The following DOCK9 variants were observed in gnomAD, a reference collection of about 807,000 sequenced individuals.
DOCK9 encodes dedicator of cytokinesis 9, also known as dedicator of cytokinesis protein 9.
Under a neutral mutation model 263.3 loss-of-function variants are expected in DOCK9, and 89 were observed. The ratio of observed to expected loss-of-function variants is 0.34; its 90% CI spans 0.28 to 0.40. The LOEUF (loss-of-function observed/expected upper bound fraction) is 0.40. Among genes scored for constraint, DOCK9 ranks in the 10% least tolerant of loss-of-function variants. The pLI, the probability that DOCK9 is intolerant of heterozygous loss-of-function variation, is 1.00. For missense variants in DOCK9, 2,140 were observed against 2,603.4 expected, an observed-to-expected ratio of 0.82 and a Z score of 3.87; for synonymous variants, 976 against 973.1, an observed-to-expected ratio of 1.00 and a Z score of -0.06.
upstream of DOCK9, among the ~76,000 whole-genome samples, chr13:98,979,835 A>G (rs1281738880): frequency 6.6e-6 from 1 of 152,216 alleles, no homozygotes; most frequent in Non-Finnish European, 1.5e-5. Context: ...TGTCCTACAA[A>G]TCAAAGAAAG....
intron 1 of DOCK9, among the ~76,000 whole-genome samples, chr13:99,068,118 A>T (rs946264147): frequency 2.0e-5 from 3 of 152,134 alleles, no homozygotes; most frequent in African/African-American, 7.2e-5. Context: ...ACTATCCTCA[A>T]TTCAAGAAAC....
chr13:98,845,320 A>C (rs749294051), intron 38 of DOCK9: 1 of 1,360,284 alleles, frequency 7.4e-7, no homozygotes, highest in Non-Finnish European at 9.8e-7. Context: ...CAACCTGATT[A>C]AATCTTACCA....
chr13:98,999,623 C>T (rs557674850), intron 1 of DOCK9, among the ~76,000 whole-genome samples: 20 of 104,686 alleles, frequency 1.9e-4, no homozygotes, highest in African/African-American at 6.6e-4. Context: ...AGAAAGAGGG[C>T]GATTCAAAAA....
chr13:99,030,947 T>A (rs1228732259), intron 1 of DOCK9, among the ~76,000 whole-genome samples: 2 of 152,188 alleles, frequency 1.3e-5, no homozygotes, highest in Non-Finnish European at 2.9e-5. Context: ...TGATGATAAA[T>A]GTTCATGCTT....
chr13:98,860,312 T>C (rs745860889), intron 33 of DOCK9, 93 bp downstream of exon 33: 4 of 1,532,348 alleles, frequency 2.6e-6, no homozygotes, highest in Admixed American at 4.0e-5. Context: ...TTCAAGGTCC[T>C]ACCACACAAG....
intron 38 of DOCK9, chr13:98,845,396 T>G: frequency 7.4e-7 from 1 of 1,347,196 alleles, no homozygotes; most frequent in South Asian, 1.2e-5. Context: ...AAAAGTCACT[T>G]TGTTATTGGA....
chr13:99,079,762 G>A (rs1028756942), intron 1 of DOCK9, among the ~76,000 whole-genome samples: 6 of 152,076 alleles, frequency 3.9e-5, no homozygotes, highest in Non-Finnish European at 5.9e-5. Context: ...TCTCCAGGCC[G>A]GGCGTGGTGG....
At chr13:98,883,988 G>C in intron 21 of DOCK9, 89 bp from the exon 22 acceptor site, 1 of 895,942 alleles carries the variant, frequency 1.1e-6, no homozygotes, top group Non-Finnish European at 1.7e-6. Context: ...ATGAGGGACT[G>C]AAAGAGGGCC....
rs199674506 is a variant in DOCK9 at position 98,794,714 on chromosome 13, G to A, written c.6191C>T (p.Pro2064Leu). ...GGCGTTGAAGATGTGAAGGGAATTC[G>A]GTAAGACGCTCGTCTTCTCCTCCAG... ...CPLEEKTSVL[P>L]NSLHIFNAIS... Residue 2064 changes from proline to leucine, a missense_variant, in exon 53 of 53, where the codon CCG (proline) becomes CTG (leucine). Physicochemically the swap from Pro to Leu is moderately conservative, Grantham distance 98. Transcript: ENST00000682017. 1.9e-3 allele frequency: 3,048 copies of A among 1,613,896 alleles called. 4 individuals carry two copies. The highest frequency in any genetic ancestry group is 2.3e-3 in the Non-Finnish European group (2,749 of 1,179,846).
At chr13:98,881,382 G>T (rs1017562453) in intron 25 of DOCK9, among the ~76,000 whole-genome samples, 176 bp downstream of exon 25, 2 of 152,194 alleles carry the variant, frequency 1.3e-5, no homozygotes, top group Admixed American at 6.5e-5. Flanking sequence ...TTAGTGAATG[G>T]CTGTCCCTCT....
intron 1 of DOCK9, among the ~76,000 whole-genome samples, chr13:99,045,767 A>G (rs537018276): frequency 6.6e-6 from 1 of 152,166 alleles, no homozygotes; most frequent in South Asian, 2.1e-4. Context: ...CACCAGCTTA[A>G]TCATCTTTTT....
intron 1 of DOCK9, among the ~76,000 whole-genome samples, chr13:98,975,661 C>T (rs2060200903): frequency 6.6e-6 from 1 of 152,198 alleles, no homozygotes; most frequent in African/African-American, 2.4e-5. Context: ...ATACTACACG[C>T]ATTAATTAAT....
intron 1 of DOCK9, among the ~76,000 whole-genome samples, chr13:99,047,431 T>C (rs2040486477): frequency 6.6e-6 from 1 of 152,146 alleles, no homozygotes; most frequent in African/African-American, 2.4e-5. Flanking sequence ...TAAGAACATC[T>C]TCTTAGTCTC....
chr13:98,906,292 A>C (rs1357562779), intron 9 of DOCK9, among the ~76,000 whole-genome samples: 1 of 152,112 alleles, frequency 6.6e-6, no homozygotes, highest in Non-Finnish European at 1.5e-5. Flanking sequence ...CCAACATTGA[A>C]GAGGTGGACA....
intron 38 of DOCK9, among the ~76,000 whole-genome samples, chr13:98,841,615 A>ATTTTT (rs1566677366): frequency 4.0e-5 from 6 of 151,156 alleles, no homozygotes; most frequent in South Asian, 2.1e-4. Context: ...TTATGAACAA[A>ATTTTT]ATTTTTTTTT....
chr13:98,829,023 G>A lies in DOCK9; in HGVS notation c.4965+284C>T, dbSNP rs182070409. 1.4e-3 allele frequency among the ~76,000 whole-genome samples: 206 copies of A among 152,216 alleles called. 1 individual carries two copies. Among genetic ancestry groups the A allele is most frequent in the African/African-American group, 4.6e-3 (193 of 41,532 alleles). ...AATAGCTGAATTTTAGAACTACAGA[G>A]GAATTTTGATGTGTATTTTAATTAG... On this transcript the variant is annotated intron_variant, in intron 43 of 52. Transcript: ENST00000682017. This position sits in a 1 kb window ranked among gnomAD's most constrained non-coding sequence, Gnocchi z 4.1.
intron 1 of DOCK9, among the ~76,000 whole-genome samples, chr13:99,044,659 A>G (rs921683896): frequency 4.6e-5 from 7 of 152,264 alleles, no homozygotes; most frequent in African/African-American, 1.7e-4. Context: ...TGGAAATACA[A>G]AAGTTTAGAA....
intron 10 of DOCK9, among the ~76,000 whole-genome samples, chr13:98,903,599 C>CAAAAAAAAAAAAAA (rs72290114): frequency 5.1e-5 from 4 of 78,536 alleles, no homozygotes; most frequent in East Asian, 4.0e-4. Flanking sequence ...GACTCTGCCT[C>CAAAAAAAAAAAAAA]AAAAAAAAAA....
intron 9 of DOCK9, among the ~76,000 whole-genome samples, chr13:98,911,974 A>G (rs1186206563): frequency 6.6e-6 from 1 of 150,860 alleles, no homozygotes; most frequent in Non-Finnish European, 1.5e-5. Flanking sequence ...GGTTCAAATG[A>G]TTCTCCTGCC....
Sources: gnomAD v4.1 joint callset for allele counts (sites outside exome capture counted in the v4.1 genomes callset) on GRCh38, gnomAD v4.1.1 for gene constraint, Gnocchi (gnomAD v3.1) non-coding constraint, MANE v1.5 for transcripts, NCBI Gene and HGNC (gene_info 2026-07-23, HGNC 2026-07-21) for gene names.